UNC13A: variants seen among roughly 807,000 people sequenced by gnomAD.
UNC13A encodes the protein protein unc-13 homolog A.
UNC13A carries 61 observed loss-of-function variants against 219.7 expected under a neutral mutation model. The ratio of observed to expected loss-of-function variants is 0.28; its 90% CI spans 0.23 to 0.34. The LOEUF (loss-of-function observed/expected upper bound fraction) is 0.34, where lower values mean the gene tolerates loss of function less well. Ranked by LOEUF, UNC13A falls within the 10% of genes least tolerant of loss-of-function variation. The pLI, the probability that UNC13A is intolerant of heterozygous loss-of-function variation, is 1.00. For synonymous variants in UNC13A, 920 were observed against 884.6 expected, an observed-to-expected ratio of 1.04 and a Z score of -0.71; for missense variants, 1,476 against 2,270.3, an observed-to-expected ratio of 0.65 and a Z score of 7.11.
intron 20 of UNC13A, among the ~76,000 whole-genome samples, chr19:17,642,178 A>G (rs1360156226): frequency 1.3e-5 from 2 of 152,074 alleles, no homozygotes; most frequent in African/African-American, 4.8e-5. Context: ...CCAACATTTC[A>G]TCTATCCACC....
intron 1 of UNC13A, among the ~76,000 whole-genome samples, chr19:17,683,705 T>A (rs895534904): frequency 6.6e-6 from 1 of 152,040 alleles, no homozygotes; most frequent in Admixed American, 6.6e-5. Context: ...GGGTTTGTTG[T>A]TGATATTATT....
chr19:17,639,252 C>T, intron 24 of UNC13A, 35 bp from the exon 25 acceptor site: 1 of 1,612,160 alleles, frequency 6.2e-7, no homozygotes, highest in Non-Finnish European at 8.5e-7. Context: ...GCGGCCACAG[C>T]TGTGACAGGA....
At chr19:17,655,751 C>T in intron 10 of UNC13A, 132 bp downstream of exon 10, 2 of 1,421,042 alleles carry the variant, frequency 1.4e-6, no homozygotes, top group Non-Finnish European at 1.8e-6. Flanking sequence ...CCTCTGATCC[C>T]TTTAAGAAAC....
chr19:17,649,308 A>G lies in UNC13A; in HGVS notation c.1524+31T>C, dbSNP rs1159272492. 1 of 1,565,932 alleles carries G rather than the reference A, an allele frequency of 6.4e-7. No homozygotes were observed. The highest frequency in any genetic ancestry group is 8.6e-7 in the Non-Finnish European group (1 of 1,162,248). On this transcript the variant is annotated intron_variant, in intron 14 of 43. Transcript: ENST00000519716. The surrounding 1 kb of genome is among the most constrained non-coding windows in gnomAD (Gnocchi z 4.4). Reference sequence around the variant, plus strand: ...CCCAGTGGGGGAGTTTGGGGAGAAGATCCCAAGAGGCCCATGTCGCCATCA... The same window carrying G: ...CCCAGTGGGGGAGTTTGGGGAGAAGGTCCCAAGAGGCCCATGTCGCCATCA...
intron 26 of UNC13A, among the ~76,000 whole-genome samples, chr19:17,634,236 T>A (rs1404637672): frequency 3.3e-5 from 5 of 150,628 alleles, no homozygotes; most frequent in African/African-American, 1.2e-4. Context: ...ATCTATCTAT[T>A]CATCCATCCA....
chr19:17,607,037 T>A (rs991931220), intron 43 of UNC13A, among the ~76,000 whole-genome samples: 1 of 152,028 alleles, frequency 6.6e-6, no homozygotes, highest in Non-Finnish European at 1.5e-5. Flanking sequence ...CCTGAAGTAC[T>A]CCGGCCCACC....
intron 31 of UNC13A, among the ~76,000 whole-genome samples, chr19:17,628,577 C>T (rs1194237419): frequency 6.6e-6 from 1 of 152,082 alleles, no homozygotes; most frequent in Non-Finnish European, 1.5e-5. Flanking sequence ...TACACACACT[C>T]ACACTATAAC....
intron 19 of UNC13A, 133 bp downstream of exon 19, chr19:17,645,541 G>A (rs1228676671): frequency 1.6e-5 from 21 of 1,312,602 alleles, no homozygotes; most frequent in Non-Finnish European, 2.2e-5. Context: ...CCTAGACCCT[G>A]CCTCCCCCAT....
At chr19:17,641,123 G>A (rs182517639) in intron 21 of UNC13A, among the ~76,000 whole-genome samples, 19 of 151,966 alleles carry the variant, frequency 1.3e-4, no homozygotes, top group Admixed American at 9.8e-4. Flanking sequence ...GGAGTGATCC[G>A]CCCACCTCAG....
chr19:17,633,689 T>A (rs2076881451), intron 26 of UNC13A, among the ~76,000 whole-genome samples: 1 of 151,634 alleles, frequency 6.6e-6, no homozygotes. Context: ...ATTCACCTAC[T>A]TATGCAACTA....
chr19:17,656,501 T>C (rs1177721413), intron 9 of UNC13A, 103 bp from the exon 10 acceptor site: 6 of 1,182,850 alleles, frequency 5.1e-6, no homozygotes, highest in South Asian at 1.6e-5. Flanking sequence ...GCACCTACGA[T>C]GTGCCAGGTC....
rs2076968849 is a variant in UNC13A at position 17,641,447 on chromosome 19, A to G, written c.2582T>C (p.Ile861Thr). 2.5e-6 allele frequency: 4 copies of G among 1,613,958 alleles called. No individual in the cohort carries two copies. In the East Asian group the frequency reaches 6.7e-5, roughly 27 times the overall value. ...GTAGCGCATGGCAAACTCGTCCACA[A>G]TCTCCTGGGCTGTCTCATCGTAGTA... ...KVYYDETAQE[I>T]VDEFAMRYGV... The change falls in exon 21 of 44, where the codon ATT becomes ACT. Residue 861 changes from isoleucine to threonine, a missense_variant. Ile to Thr is a moderately conservative substitution (Grantham distance 89, BLOSUM62 -1). This residue lies in a region of UNC13A where 140 missense variants were observed against 270.9 expected (regional missense o/e 0.52). Coordinates refer to ENST00000519716, the MANE Select transcript of UNC13A (RefSeq NM_001080421.3).
chr19:17,667,776 ATTTT>A (rs34197880), intron 6 of UNC13A, among the ~76,000 whole-genome samples: 6 of 108,012 alleles, frequency 5.6e-5, no homozygotes, highest in African/African-American at 1.2e-4. Flanking sequence ...AGCCTGGCTA[ATTTT>A]TTTTTTTTTT....
chr19:17,663,176 G>A (rs2079581557), intron 8 of UNC13A, among the ~76,000 whole-genome samples: 1 of 151,874 alleles, frequency 6.6e-6, no homozygotes, highest in African/African-American at 2.4e-5. Context: ...AAGACCAAAA[G>A]GCAGGGGCTA....
chr19:17,608,454 T>C (rs893524977), intron 43 of UNC13A, among the ~76,000 whole-genome samples: 7 of 139,720 alleles, frequency 5.0e-5, no homozygotes, highest in African/African-American at 1.8e-4. Flanking sequence ...TATTATATAA[T>C]ATAATATAAA....
intron 1 of UNC13A, among the ~76,000 whole-genome samples, chr19:17,680,150 A>C (rs1257370180): frequency 7.9e-6 from 1 of 126,308 alleles, no homozygotes; most frequent in Non-Finnish European, 1.7e-5. Context: ...GGATGGGCGC[A>C]GAGGGGAGGG....
At position 17,656,147 on chromosome 19, in the gene UNC13A, T is replaced by C. The variant is rs774605967; in HGVS notation, c.1019A>G (p.Asp340Gly). 6 of 1,552,178 alleles carry C rather than the reference T, an allele frequency of 3.9e-6. No homozygotes were observed. In the Admixed American group the frequency reaches 7.8e-5, roughly 20 times the overall value. The change falls in exon 10 of 44, where the codon GAT (aspartate) becomes GGT (glycine). Residue 340 changes from aspartate (D) to glycine (G), a missense_variant. Around this residue, in one of 14 missense-constraint regions of UNC13A, gnomAD observed 351 missense variants for 342.6 expected, o/e 1.02. Coordinates refer to ENST00000519716, the MANE Select transcript of UNC13A (RefSeq NM_001080421.3). Reference protein sequence around the residue: ...DFLEEEELPEDEEELEEEEEE... With the variant: ...DFLEEEELPEGEEELEEEEEE... ...CTCCTCCTCCTCCAGCTCCTCCTCATCTTCAGGCAGCTCCTCCTCCTCCAG... is the reference window on the plus strand; with the variant it reads ...CTCCTCCTCCTCCAGCTCCTCCTCACCTTCAGGCAGCTCCTCCTCCTCCAG...
intron 17 of UNC13A, 81 bp from the exon 18 acceptor site, chr19:17,646,192 G>C (rs1190843144): frequency 6.4e-7 from 1 of 1,566,902 alleles, no homozygotes; most frequent in Non-Finnish European, 8.6e-7. Flanking sequence ...CACGCTGCAG[G>C]CTGATAATTG....
intron 7 of UNC13A, among the ~76,000 whole-genome samples, chr19:17,665,002 C>A (rs1470063551): frequency 6.6e-6 from 1 of 152,126 alleles, no homozygotes; most frequent in Non-Finnish European, 1.5e-5. Flanking sequence ...AAATTTGAGA[C>A]CAGCCTGGCC....
Sources: gnomAD v4.1 joint callset for allele counts (sites outside exome capture counted in the v4.1 genomes callset) on GRCh38, gnomAD v4.1.1 for gene constraint, gnomAD v4.1.1 regional missense constraint, Gnocchi (gnomAD v3.1) non-coding constraint, MANE v1.5 for transcripts, NCBI Gene and HGNC (gene_info 2026-07-23, HGNC 2026-07-21) for gene names.